The following SCN4A variants were observed in gnomAD, a reference collection of about 807,000 sequenced individuals.
The protein encoded by SCN4A is sodium voltage-gated channel alpha subunit 4, also known as sodium channel protein type 4 subunit alpha.
In SCN4A, 83 loss-of-function variants were observed where a neutral mutation model predicts 162.0. That is an observed-to-expected ratio of 0.51 (90% CI 0.43 to 0.61). The LOEUF (loss-of-function observed/expected upper bound fraction) is 0.61, where lower values mean the gene tolerates loss of function less well. Among genes scored for constraint, SCN4A ranks in the 20% least tolerant of loss-of-function variants. SCN4A has a pLI of 0.00. For missense variants in SCN4A, 2,196 were observed against 2,462.5 expected, an observed-to-expected ratio of 0.89 and a Z score of 2.29; for synonymous variants, 944 against 985.1, an observed-to-expected ratio of 0.96 and a Z score of 0.78.
intron 10 of SCN4A, among the ~76,000 whole-genome samples, chr17:63,962,968 G>A (rs889609327): frequency 1.2e-4 from 19 of 152,148 alleles, no homozygotes; most frequent in African/African-American, 4.3e-4. Flanking sequence ...CACAAGGCAA[G>A]CCGACCTGGG....
At chr17:63,946,476 C>A (rs3785565) in intron 18 of SCN4A, among the ~76,000 whole-genome samples, 2 of 128,272 alleles carry the variant, frequency 1.6e-5, no homozygotes, top group South Asian at 2.6e-4. Flanking sequence ...CCCCCCCCAC[C>A]CCGCCGCAAC....
At position 63,957,264 on chromosome 17, in the gene SCN4A, C is replaced by T; in HGVS notation, c.2274G>A (p.Leu758=). The change falls in exon 13 of 24, where the codon CTG becomes CTA. Residue 758 remains leucine, a synonymous_variant. Transcript: ENST00000435607. ...FHSFLIVFRI[L]CGEWIETMWD... The stretch of plus-strand genomic sequence containing the variant: ...ACATGGTCTCGATCCACTCCCCGCA[C>T]AGGATGCGGAAGACGATGAGGAAGG... 6.2e-7 allele frequency: 1 copy of T among 1,614,024 alleles called. No homozygotes were observed. The highest frequency in any genetic ancestry group is 1.6e-4 in the Middle Eastern group (1 of 6,062).
chr17:63,972,781 T>C lies in SCN4A; in HGVS notation c.61A>G (p.Thr21Ala). 1.9e-6 allele frequency: 3 copies of C among 1,613,380 alleles called. No homozygotes were observed. The highest frequency in any genetic ancestry group is 2.2e-5 in the East Asian group (1 of 44,856). Residue 21 changes from threonine to alanine, a missense_variant, in exon 1 of 24, where the codon ACC becomes GCC. Transcript: ENST00000435607. This position sits in a 1 kb window ranked among gnomAD's most constrained non-coding sequence, Gnocchi z 4.3. Reference protein sequence around the residue: ...PLGPECLRPFTRESLAAIEQR... With the variant: ...PLGPECLRPFARESLAAIEQR... Reference sequence around the variant, plus strand: ...TCTATGGCTGCCAGTGACTCCCGGGTGAAGGGGCGCAAGCACTCAGGGCCC... The same window carrying C: ...TCTATGGCTGCCAGTGACTCCCGGGCGAAGGGGCGCAAGCACTCAGGGCCC...
chr17:63,956,718 C>G (rs1161968181), intron 13 of SCN4A, among the ~76,000 whole-genome samples: 2 of 152,276 alleles, frequency 1.3e-5, no homozygotes, highest in African/African-American at 4.8e-5. Context: ...GAGAACCCAG[C>G]TTGACTAGAG....
chr17:63,965,704 G>T (rs572665781), intron 8 of SCN4A, among the ~76,000 whole-genome samples: 1 of 152,282 alleles, frequency 6.6e-6, no homozygotes, highest in African/African-American at 2.4e-5. Flanking sequence ...GGCCAGGCTG[G>T]TCTCGAACTC....
chr17:63,946,326 G>A (rs1333928937), intron 18 of SCN4A, among the ~76,000 whole-genome samples: 7 of 152,100 alleles, frequency 4.6e-5, no homozygotes, highest in Admixed American at 1.3e-4. Flanking sequence ...CCCAGCATTC[G>A]GCTGGCCTCT....
rs775880707 is a variant in SCN4A, at chr17:63,940,824, C to T, written c.5458G>A (p.Ala1820Thr). Residue 1820 changes from alanine to threonine, a missense_variant, in exon 24 of 24, where the codon GCC becomes ACC. By Grantham distance (58) the Ala-to-Thr change is moderately conservative. Transcript: ENST00000435607. ...CGCACAGTCTGCCCTGGGGGAGGGG[C>T]GGGAGGCCAGGCAGTGTCTGAGGGG... ...ISPSDTAWPPAPPPGQTVRPG... is the reference protein window; with the variant it reads ...ISPSDTAWPPTPPPGQTVRPG... 17 of 1,604,670 alleles carry T rather than the reference C, an allele frequency of 1.1e-5. No individual in the cohort carries two copies. The highest frequency in any genetic ancestry group is 2.2e-5 in the East Asian group (1 of 44,688).
chr17:63,946,904 T>C, intron 18 of SCN4A, 141 bp downstream of exon 18: 2 of 805,018 alleles, frequency 2.5e-6, no homozygotes, highest in Non-Finnish European at 3.9e-6. Context: ...GGGCCAGACC[T>C]GGCCTCAGGC....
chr17:63,945,284 G>T lies in SCN4A; in HGVS notation c.3720+76C>A. 7.8e-7 allele frequency: 1 copy of T among 1,281,538 alleles called. No homozygotes were observed. Among genetic ancestry groups the T allele is most frequent in the Non-Finnish European group, 1.1e-6 (1 of 931,220 alleles). The allele number at this position is 1,281,538 out of a possible 1,614,324, so 79.4% of individuals were successfully genotyped here. The stretch of plus-strand genomic sequence containing the variant: ...TCCCCTAACCAGGAGTGACACTGGG[G>T]TTGGGTACAACGAGAGGACCGGGGT... On this transcript the variant is annotated intron_variant, in intron 19 of 23. Coordinates refer to ENST00000435607, the MANE Select transcript of SCN4A (RefSeq NM_000334.4). This position sits in a 1 kb window ranked among gnomAD's most constrained non-coding sequence, Gnocchi z 4.4.
At chr17:63,967,299 T>G (rs1452381284) in intron 6 of SCN4A, among the ~76,000 whole-genome samples, 4 of 151,998 alleles carry the variant, frequency 2.6e-5, no homozygotes, top group Non-Finnish European at 5.9e-5. Context: ...ATTACAGGCA[T>G]GCGTCACCAC....
At position 63,960,083 on chromosome 17, in the gene SCN4A, G is replaced by A. The variant is rs528360490; in HGVS notation, c.1846-645C>T. On this transcript the variant is annotated intron_variant, in intron 11 of 23. Coordinates refer to ENST00000435607, the MANE Select transcript of SCN4A (RefSeq NM_000334.4). ...CTTCCCCTGCCAACCCTGGACATGG[G>A]ATCTGAGGATTGCACAGTCCCTGAA... Among the ~76,000 whole-genome samples, 177 of 152,342 alleles carry A rather than the reference G, an allele frequency of 1.2e-3. 1 individual carries two copies. The highest frequency in any genetic ancestry group is 4.0e-3 in the African/African-American group (168 of 41,572).
intron 6 of SCN4A, among the ~76,000 whole-genome samples, chr17:63,967,616 C>G (rs368471095): frequency 6.6e-6 from 1 of 151,988 alleles, no homozygotes; most frequent in African/African-American, 2.4e-5. Flanking sequence ...CTCAGGTCCT[C>G]GCCATACTAT....
rs1307990118 is a variant in SCN4A at position 63,951,740 on chromosome 17, C to A, written c.2537G>T (p.Gly846Val). 2.5e-6 allele frequency: 4 copies of A among 1,589,412 alleles called. No homozygotes were observed. The South Asian group carries it at 3.4e-5, about 14-fold the overall frequency. Residue 846 changes from glycine (G) to valine (V), a missense_variant, in exon 14 of 24, where the codon GGC becomes GTC. Gly to Val is a moderately radical substitution (Grantham distance 109, BLOSUM62 -3). Transcript: ENST00000435607. This position sits in a 1 kb window ranked among gnomAD's most constrained non-coding sequence, Gnocchi z 4.5. Reference protein sequence around the residue: ...AKAFLLGLLHGKILSPKDIML... With the variant: ...AKAFLLGLLHVKILSPKDIML... ...GATGTCCTTGGGGCTCAGGATCTTG[C>A]CATGCAGCAGCCCCAGGAGGAAGGC...
chr17:63,960,081 G>A (rs559528482), intron 11 of SCN4A, among the ~76,000 whole-genome samples: 1 of 152,316 alleles, frequency 6.6e-6, no homozygotes, highest in African/African-American at 2.4e-5. Flanking sequence ...CCCTGGACAT[G>A]GGATCTGAGG....
Position 63,959,254 on chromosome 17 carries a change from C to T in SCN4A, c.2019+11G>A. 1 of 1,602,660 alleles carries T rather than the reference C, an allele frequency of 6.2e-7. No individual in the cohort carries two copies. Among genetic ancestry groups the T allele is most frequent in the South Asian group, 1.1e-5 (1 of 90,650 alleles). ...CCCATCCCAGCCCCTGGCCCTGGGG[C>T]TTTTGTGTACCAGACGGAAGGAGCG... On this transcript the variant is annotated intron_variant, in intron 12 of 23. Transcript: ENST00000435607.
chr17:63,946,236 G>C (rs1214361010), intron 18 of SCN4A, among the ~76,000 whole-genome samples: 1 of 152,152 alleles, frequency 6.6e-6, no homozygotes, highest in Admixed American at 6.5e-5. Flanking sequence ...TTCCTGGTTG[G>C]GGCACTGACC....
chr17:63,942,974 G>C lies in SCN4A; in HGVS notation c.4140C>G (p.Leu1380=). Residue 1380 remains leucine (L), a synonymous_variant, in exon 23 of 24, where the codon CTC becomes CTG. Transcript: ENST00000435607. ...TGATGTTGTACAGGATGTCCACCTT[G>C]AGCTGGCTCTGGTTGTCTGTCTCCA... ...MMVETDNQSQ[L]KVDILYNINM... The C allele has an allele frequency of 6.2e-7, 1 of 1,614,014 alleles. No individual in the cohort carries two copies. The highest frequency in any genetic ancestry group is 1.1e-5 in the South Asian group (1 of 91,082).
chr17:63,954,808 G>GTGGT (rs1190105381), intron 13 of SCN4A, among the ~76,000 whole-genome samples: 3 of 152,196 alleles, frequency 2.0e-5, no homozygotes, highest in Admixed American at 2.0e-4. Flanking sequence ...AAGGATGTCA[G>GTGGT]TGGTGTGTTC....
At position 63,945,760 on chromosome 17, in the gene SCN4A, A is replaced by T; in HGVS notation, c.3442-122T>A. The T allele has an allele frequency of 1.4e-6, 1 of 697,358 alleles. No individual in the cohort carries two copies. The highest frequency in any genetic ancestry group is 2.1e-6 in the Non-Finnish European group (1 of 479,466). 43.2% of individuals were successfully genotyped at this position (697,358 alleles called of 1,614,324 possible). A position where few individuals can be genotyped will look rare whatever the true frequency, so the allele number is the denominator to read the frequency against. On this transcript the variant is annotated intron_variant, in intron 18 of 23. Coordinates refer to ENST00000435607, the MANE Select transcript of SCN4A (RefSeq NM_000334.4). The surrounding 1 kb of genome is among the most constrained non-coding windows in gnomAD (Gnocchi z 4.4). The stretch of plus-strand genomic sequence containing the variant: ...TTGTCAATTAGGGAGGGCTTCCTAG[A>T]GGAGGGCCGACCTGCTGGGCTGTGT...
Sources: allele counts gnomAD v4.1 joint callset (sites outside exome capture counted in the v4.1 genomes callset), GRCh38; gene constraint gnomAD v4.1.1; non-coding constraint Gnocchi (gnomAD v3.1); transcripts MANE v1.5; gene names NCBI Gene and HGNC (gene_info 2026-07-23, HGNC 2026-07-21).